The following PRP4K variants were observed in gnomAD, a reference collection of about 807,000 sequenced individuals.
PRP4K encodes the protein serine/threonine-protein kinase PRP4 homolog.
the PRP4K span, among the ~76,000 whole-genome samples, chr6:4,048,333 C>T: frequency 3.4e-5 from 5 of 147,344 alleles, no homozygotes; most frequent in Admixed American, 6.9e-5. Flanking sequence ...GAGCGGAGAT[C>T]GCGCCACTGC....
chr6:4,040,976 C>G, the PRP4K span: 1 of 1,512,492 alleles, frequency 6.6e-7, no homozygotes, highest in South Asian at 1.2e-5. Context: ...TTAGAGAAGT[C>G]TTATTTGACT....
the PRP4K span, among the ~76,000 whole-genome samples, chr6:4,024,159 C>T: frequency 2.0e-5 from 3 of 152,044 alleles, no homozygotes; most frequent in African/African-American, 4.8e-5. Context: ...GCTACCGTGC[C>T]GAGCCATGCC....
At chr6:4,062,664 T>G in the PRP4K span, 1 of 152,522 alleles carries the variant, frequency 6.6e-6, no homozygotes, top group Non-Finnish European at 1.5e-5. The surrounding 1 kb of genome is among the most constrained non-coding windows in gnomAD (Gnocchi z 4.2). Flanking sequence ...AGACATGAAA[T>G]GAACTACAGC....
At chr6:4,035,995 A>G in the PRP4K span, among the ~76,000 whole-genome samples, 3 of 134,812 alleles carry the variant, frequency 2.2e-5, no homozygotes, top group South Asian at 5.0e-4. Flanking sequence ...AAATGAGGAA[A>G]ATACTGTAAT....
At chr6:4,024,019 A>T in the PRP4K span, among the ~76,000 whole-genome samples, 4 of 152,028 alleles carry the variant, frequency 2.6e-5, no homozygotes, top group Admixed American at 2.0e-4. Flanking sequence ...GGCACGTACC[A>T]CCACGCCCAG....
the PRP4K span, among the ~76,000 whole-genome samples, chr6:4,044,696 C>T: frequency 6.6e-6 from 1 of 151,960 alleles, no homozygotes; most frequent in Non-Finnish European, 1.5e-5. Flanking sequence ...ATATAGCTTT[C>T]TTACTTTCTA....
chr6:4,029,519 A>AT, the PRP4K span, among the ~76,000 whole-genome samples: 1 of 150,804 alleles, frequency 6.6e-6, no homozygotes. Context: ...CACCTAGCTA[A>AT]TTTTTTTATT....
the PRP4K span, among the ~76,000 whole-genome samples, chr6:4,029,012 C>CTTTTTTTTTTTTT: frequency 8.6e-3 from 1,132 of 132,092 alleles, 71 homozygotes; most frequent in African/African-American, 0.013. Context: ...TACTTGGAAT[C>CTTTTTTTTTTTTT]TTTTTTTTTT....
chr6:4,049,583 C>T, the PRP4K span: 2 of 721,980 alleles, frequency 2.8e-6, no homozygotes, highest in South Asian at 2.0e-5. Flanking sequence ...ATAGAGTGAT[C>T]AGTGGAGGCA....
the PRP4K span, chr6:4,052,212 G>A: frequency 1.7e-6 from 2 of 1,168,606 alleles, no homozygotes; most frequent in Admixed American, 7.3e-5. Context: ...TATCCACACA[G>A]CTCTGGTTTT....
At chr6:4,031,019 G>A in the PRP4K span, among the ~76,000 whole-genome samples, 187 of 152,214 alleles carry the variant, frequency 1.2e-3, 1 homozygote, top group Middle Eastern at 3.4e-3. Context: ...TGTTTTTAAG[G>A]TATAAGATGA....
At chr6:4,041,044 C>T in the PRP4K span, 297 of 1,131,586 alleles carry the variant, frequency 2.6e-4, no homozygotes, top group Non-Finnish European at 1.7e-5. Context: ...TAATTTGGCT[C>T]TGAATTTAAA....
At chr6:4,033,222 A>G in the PRP4K span, among the ~76,000 whole-genome samples, 1 of 152,226 alleles carries the variant, frequency 6.6e-6, no homozygotes, top group Non-Finnish European at 1.5e-5. Context: ...AACAGTATAA[A>G]TAGAAACCAA....
the PRP4K span, chr6:4,058,838 C>A: frequency 6.5e-7 from 1 of 1,529,490 alleles, no homozygotes; most frequent in Non-Finnish European, 9.0e-7. Flanking sequence ...ATGCAGCATG[C>A]AATAGTTATT....
the PRP4K span, chr6:4,056,268 T>C: frequency 7.9e-7 from 1 of 1,259,204 alleles, no homozygotes; most frequent in East Asian, 2.3e-5. Flanking sequence ...TTTATTTATT[T>C]GTATTAATTA....
At chr6:4,053,699 G>A in the PRP4K span, among the ~76,000 whole-genome samples, 3 of 152,074 alleles carry the variant, frequency 2.0e-5, no homozygotes, top group Admixed American at 6.5e-5. Flanking sequence ...AGTTTGGGTC[G>A]TGTTCGCAAC....
chr6:4,043,605 A>G, the PRP4K span, among the ~76,000 whole-genome samples: 9 of 152,162 alleles, frequency 5.9e-5, no homozygotes, highest in South Asian at 4.1e-4. Flanking sequence ...ATGAATGTGC[A>G]CTGAAGAAAG....
chr6:4,024,685 C>T, the PRP4K span, among the ~76,000 whole-genome samples: 1 of 152,148 alleles, frequency 6.6e-6, no homozygotes, highest in Non-Finnish European at 1.5e-5. Context: ...TCACTGCAAC[C>T]TCTGCGTCCC....
chr6:4,040,010 G>A, the PRP4K span, among the ~76,000 whole-genome samples: 5 of 151,672 alleles, frequency 3.3e-5, no homozygotes, highest in Middle Eastern at 3.4e-3. Context: ...GAATCCTCCC[G>A]GTAGCTGGGA....
Sources: gnomAD v4.1 joint callset for allele counts (sites outside exome capture counted in the v4.1 genomes callset) on GRCh38, gnomAD v4.1.1 for gene constraint, Gnocchi (gnomAD v3.1) non-coding constraint, MANE v1.5 for transcripts, NCBI Gene and HGNC (gene_info 2026-07-23, HGNC 2026-07-21) for gene names.